CSMD2: variants seen among roughly 807,000 people sequenced by gnomAD.
The protein encoded by CSMD2 is CUB and Sushi multiple domains 2.
Under a neutral mutation model 398.5 loss-of-function variants are expected in CSMD2, and 130 were observed. The ratio of observed to expected loss-of-function variants is 0.33; its 90% CI spans 0.28 to 0.38. The LOEUF (loss-of-function observed/expected upper bound fraction) is 0.38. Among genes scored for constraint, CSMD2 ranks in the 10% least tolerant of loss-of-function variants. The pLI is 1.00. For synonymous variants in CSMD2, 1,828 were observed against 1,908.5 expected (o/e 0.96, Z 1.10); for missense variants, 3,829 against 4,764.9 (o/e 0.80, Z 5.78).
At chr1:33,647,889 A>G (rs1003397158) in intron 28 of CSMD2, among the ~76,000 whole-genome samples, 1 of 152,238 alleles carries the variant, frequency 6.6e-6, no homozygotes, top group Non-Finnish European at 1.5e-5. Flanking sequence ...AGAGGAAAAA[A>G]ATTAATCTTG....
intron 25 of CSMD2, 139 bp downstream of exon 25, chr1:33,692,791 G>C: frequency 9.2e-7 from 1 of 1,086,002 alleles, no homozygotes; most frequent in Non-Finnish European, 1.4e-6. Flanking sequence ...AAGGCATCCA[G>C]TATAGCAACC....
intron 3 of CSMD2, among the ~76,000 whole-genome samples, chr1:34,002,313 T>G (rs1377325808): frequency 6.6e-6 from 1 of 152,206 alleles, no homozygotes; most frequent in African/African-American, 2.4e-5. Context: ...TGGGTCATTT[T>G]AAAAAATTAA....
intron 3 of CSMD2, among the ~76,000 whole-genome samples, chr1:33,939,635 C>T (rs1249120094): frequency 7.2e-5 from 11 of 152,182 alleles, no homozygotes; most frequent in Non-Finnish European, 1.0e-4. Context: ...AAATAAAAGT[C>T]GATTCTTCTT....
chr1:33,898,305 A>C (rs1348664950), intron 5 of CSMD2, among the ~76,000 whole-genome samples: 2 of 152,234 alleles, frequency 1.3e-5, no homozygotes, highest in Non-Finnish European at 2.9e-5. Flanking sequence ...GAATGAGAAA[A>C]TCTATTTTCA....
intron 62 of CSMD2, among the ~76,000 whole-genome samples, chr1:33,534,628 T>C (rs1655590078): frequency 6.6e-6 from 1 of 152,232 alleles, no homozygotes; most frequent in African/African-American, 2.4e-5. Context: ...ACTCGGATTA[T>C]ACTACTTCCC....
intron 60 of CSMD2, among the ~76,000 whole-genome samples, chr1:33,538,526 T>C (rs1361411964): frequency 6.6e-6 from 1 of 152,294 alleles, no homozygotes; most frequent in Non-Finnish European, 1.5e-5. Context: ...ATGAGATACA[T>C]AACCACATGC....
intron 13 of CSMD2, among the ~76,000 whole-genome samples, chr1:33,768,006 G>A (rs1650737307): frequency 6.6e-6 from 1 of 152,232 alleles, no homozygotes; most frequent in South Asian, 2.1e-4. Flanking sequence ...TATGACCATC[G>A]TGTTAGTTAT....
intron 7 of CSMD2, among the ~76,000 whole-genome samples, chr1:33,824,260 G>T (rs565237502): frequency 6.6e-6 from 1 of 152,204 alleles, no homozygotes; most frequent in African/African-American, 2.4e-5. Flanking sequence ...GAAAAAGCCT[G>T]TGAGGGTCAG....
intron 26 of CSMD2, among the ~76,000 whole-genome samples, chr1:33,660,241 T>G (rs1644088385): frequency 6.6e-6 from 1 of 152,232 alleles, no homozygotes; most frequent in African/African-American, 2.4e-5. Flanking sequence ...GTAAGGGTTT[T>G]GTGAAAATTG....
At chr1:33,949,662 T>C (rs1443482418) in intron 3 of CSMD2, among the ~76,000 whole-genome samples, 1 of 152,098 alleles carries the variant, frequency 6.6e-6, no homozygotes, top group African/African-American at 2.4e-5. Context: ...AAGGAATAAT[T>C]TGGAGAAGTT....
intron 3 of CSMD2, among the ~76,000 whole-genome samples, chr1:33,970,543 G>GC (rs1645724033): frequency 6.6e-6 from 1 of 152,126 alleles, no homozygotes; most frequent in Admixed American, 6.5e-5. Context: ...GCACATTCCT[G>GC]CCCCCCACCC....
intron 13 of CSMD2, among the ~76,000 whole-genome samples, chr1:33,760,890 C>T (rs937728855): frequency 3.9e-5 from 6 of 152,070 alleles, no homozygotes; most frequent in Non-Finnish European, 8.8e-5. Flanking sequence ...CCCCACTTCT[C>T]CCTTACCACA....
At position 33,788,708 on chromosome 1, in the gene CSMD2, T is replaced by C; in HGVS notation, c.1555A>G (p.Thr519Ala). 6.3e-7 allele frequency: 1 copy of C among 1,599,788 alleles called. No homozygotes were observed. Residue 519 changes from threonine (T) to alanine (A), a missense_variant, in exon 12 of 71, where the codon ACA (threonine) becomes GCA (alanine). Around this residue, in one of 5 missense-constraint regions of CSMD2, gnomAD observed 2,001 missense variants for 2,567.1 expected, o/e 0.78. Coordinates refer to ENST00000373381, the MANE Select transcript of CSMD2 (RefSeq NM_001281956.2). ...ATGAGATCCGGGACCGATGTACCTG[T>C]CAGGCTGGCAGGAGAGAGATATTTA... ...GDQKTVLYIL[T>A]GTSVPDLIVS...
intron 3 of CSMD2, among the ~76,000 whole-genome samples, chr1:34,011,755 A>G (rs1647362604): frequency 6.6e-6 from 1 of 152,148 alleles, no homozygotes; most frequent in African/African-American, 2.4e-5. Flanking sequence ...AGTTATTTTA[A>G]AGCATAAATT....
chr1:34,075,068 G>A (rs72667732), intron 2 of CSMD2, among the ~76,000 whole-genome samples: 2,253 of 152,332 alleles, frequency 0.015, 17 homozygotes, highest in Middle Eastern at 0.048. Flanking sequence ...TTGTGTCTCT[G>A]ATACCTGGCA....
chr1:33,914,427 G>T (rs1643621798), intron 5 of CSMD2, among the ~76,000 whole-genome samples: 1 of 151,838 alleles, frequency 6.6e-6, no homozygotes, highest in Non-Finnish European at 1.5e-5. Context: ...TGTATGTTGG[G>T]TGAGGGCTGC....
chr1:33,572,419 T>G, intron 50 of CSMD2, 87 bp downstream of exon 50: 1 of 1,218,864 alleles, frequency 8.2e-7, no homozygotes, highest in Non-Finnish European at 1.1e-6. Flanking sequence ...CCCTCATTAC[T>G]TTGCTTTTAG....
intron 6 of CSMD2, among the ~76,000 whole-genome samples, chr1:33,832,379 C>T (rs779855721): frequency 5.4e-5 from 8 of 146,902 alleles, no homozygotes; most frequent in East Asian, 2.0e-4. Context: ...CGCTCAACTA[C>T]GTGGAAACTG....
intron 28 of CSMD2, among the ~76,000 whole-genome samples, chr1:33,649,731 A>C (rs1402095212): frequency 6.6e-6 from 1 of 152,244 alleles, no homozygotes; most frequent in African/African-American, 2.4e-5. Flanking sequence ...ACTTAAAGTC[A>C]ACAGTTTCCA....
Sources: allele counts gnomAD v4.1 joint callset (sites outside exome capture counted in the v4.1 genomes callset), GRCh38; gene constraint gnomAD v4.1.1; regional missense constraint gnomAD v4.1.1; transcripts MANE v1.5; gene names NCBI Gene and HGNC (gene_info 2026-07-23, HGNC 2026-07-21).